DUSP15: variants seen among roughly 807,000 people sequenced by gnomAD.
DUSP15 encodes dual specificity protein phosphatase 15.
Under a neutral mutation model 26.3 loss-of-function variants are expected in DUSP15, and 23 were observed. That is an observed-to-expected ratio of 0.87 (90% CI 0.63 to 1.24). DUSP15 has a LOEUF of 1.24. Ranked by LOEUF, DUSP15 falls within the 50% of genes most tolerant of loss-of-function variation. The probability of loss-of-function intolerance (pLI) is 0.00; values close to 1 mark genes in which losing one functional copy is unlikely to be tolerated. For missense variants in DUSP15, 364 were observed against 320.6 expected, an observed-to-expected ratio of 1.14 and a Z score of -1.03; for synonymous variants, 143 against 135.5, an observed-to-expected ratio of 1.06 and a Z score of -0.39.
chr20:31,869,884 G>A, intron 1 of DUSP15: 1 of 1,391,532 alleles, frequency 7.2e-7, no homozygotes, highest in Non-Finnish European at 9.3e-7. Context: ...GAGAGGAGAG[G>A]AGAGAGGTAG....
chr20:31,859,160 C>T (rs1341708254), downstream of DUSP15, among the ~76,000 whole-genome samples: 1 of 152,154 alleles, frequency 6.6e-6, no homozygotes, highest in Non-Finnish European at 1.5e-5. Flanking sequence ...CAAAATGTGT[C>T]TCTCTGCTCC....
At chr20:31,856,469 C>T (rs1204255933), downstream of DUSP15, among the ~76,000 whole-genome samples, 2 of 152,072 alleles carry the variant, frequency 1.3e-5, no homozygotes, top group East Asian at 3.9e-4. Flanking sequence ...GCAGGAAGCC[C>T]AGGGAGGTCA....
intron 6 of DUSP15, among the ~76,000 whole-genome samples, chr20:31,852,733 C>G (rs557776486): frequency 1.3e-5 from 2 of 152,198 alleles, no homozygotes; most frequent in African/African-American, 4.8e-5. Context: ...ATCGCTTGAA[C>G]CTGGGTGGCG....
downstream of DUSP15, among the ~76,000 whole-genome samples, chr20:31,856,102 C>T (rs138042910): frequency 1.0e-3 from 157 of 152,276 alleles, no homozygotes; most frequent in Non-Finnish European, 1.0e-3. Context: ...AGGGAAGGCT[C>T]TCTTGAGCAA....
intron 3 of DUSP15, 104 bp downstream of exon 3, chr20:31,866,967 A>G: frequency 1.7e-6 from 2 of 1,157,236 alleles, no homozygotes; most frequent in Non-Finnish European, 2.5e-6. Flanking sequence ...ATGAGTTAAC[A>G]TGAGTCAAGA....
At chr20:31,864,106 C>G in intron 4 of DUSP15, 125 bp from the exon 5 acceptor site, 1 of 1,517,134 alleles carries the variant, frequency 6.6e-7, no homozygotes, top group Non-Finnish European at 8.9e-7. Context: ...TCAGCCAGCA[C>G]ATGCAGTGAA....
intron 2 of DUSP15, among the ~76,000 whole-genome samples, chr20:31,867,703 G>A (rs2062804471): frequency 7.6e-6 from 1 of 131,020 alleles, no homozygotes; most frequent in Non-Finnish European, 1.5e-5. Flanking sequence ...GGAGTCCAGT[G>A]GCGCGATCTC....
exon 10 of DUSP15, chr20:31,848,182 C>T (rs6060995): frequency 0.058 from 29,236 of 503,200 alleles, 1,030 homozygotes; most frequent in Middle Eastern, 0.12. Flanking sequence ...TTTCTGGGGC[C>T]TCAAGATCAA....
chr20:31,847,681 C>A (rs1354839874), exon 10 of DUSP15: 2 of 152,216 alleles, frequency 1.3e-5, no homozygotes, highest in Admixed American at 1.3e-4. Flanking sequence ...GGGTAACCAA[C>A]TTTCTGGTTG....
chr20:31,868,081 T>C (rs1314847697), intron 2 of DUSP15, among the ~76,000 whole-genome samples: 2 of 152,246 alleles, frequency 1.3e-5, no homozygotes, highest in Admixed American at 1.3e-4. Flanking sequence ...ACCCAGCATA[T>C]GCAGATCTTT....
chr20:31,870,543 G>T, upstream of DUSP15: 1 of 1,451,376 alleles, frequency 6.9e-7, no homozygotes. This position sits in a 1 kb window ranked among gnomAD's most constrained non-coding sequence, Gnocchi z 6.6. Flanking sequence ...TGGAGCCGCC[G>T]CTGCCACCGC....
rs1266536185 is a variant in DUSP15, at chr20:31,861,539, G to A, written c.572C>T (p.Ala191Val). The A allele has an allele frequency of 1.3e-6, 2 of 1,511,646 alleles. No individual in the cohort carries two copies. The highest frequency in any genetic ancestry group is 1.8e-6 in the Non-Finnish European group (2 of 1,138,086). The allele number at this position is 1,511,646 out of a possible 1,614,324, so 93.6% of individuals were successfully genotyped here. ...GCGCTGCACGGTTCCCTCGGAGGCT[G>A]CTGAGTGCGGCCCGGCGGAGGAGGC... The part of the protein sequence containing the change: ...TSASSAGPHS[A>V]ASEGTVQRLV... Residue 191 changes from alanine (A) to valine (V), a missense_variant, in exon 7 of 7, where the codon GCA (alanine) becomes GTA (valine). By Grantham distance (64) the Ala-to-Val change is moderately conservative. Coordinates refer to ENST00000339738, the MANE Select transcript of DUSP15 (RefSeq NM_080611.5).
At position 31,861,234 on chromosome 20, in the gene DUSP15, T is replaced by G; in HGVS notation, c.*169A>C. 3.7e-6 allele frequency: 5 copies of G among 1,337,530 alleles called. No individual in the cohort carries two copies. The highest frequency in any genetic ancestry group is 4.1e-5 in the Admixed American group (1 of 24,652). 82.9% of individuals were successfully genotyped at this position (1,337,530 alleles called of 1,614,324 possible). On this transcript the variant is annotated 3_prime_UTR_variant, in exon 7 of 7. Coordinates refer to ENST00000339738, the MANE Select transcript of DUSP15 (RefSeq NM_080611.5). ...CGGCCCGGACACAGAGACGCACAGGTTGGGGACGCTGACTGCAGACGCGGA... is the reference window on the plus strand; with the variant it reads ...CGGCCCGGACACAGAGACGCACAGGGTGGGGACGCTGACTGCAGACGCGGA...
chr20:31,865,245 G>A (rs546584457), intron 3 of DUSP15, among the ~76,000 whole-genome samples: 4 of 152,242 alleles, frequency 2.6e-5, no homozygotes, highest in African/African-American at 7.2e-5. Flanking sequence ...TGGGCATGAC[G>A]TCACCTATCC....
At chr20:31,855,549 G>A (rs1457388820) in intron 6 of DUSP15, among the ~76,000 whole-genome samples, 2 of 152,196 alleles carry the variant, frequency 1.3e-5, no homozygotes, top group South Asian at 2.1e-4. Context: ...AAGCCAAGGA[G>A]TCACATGTGT....
intron 7 of DUSP15, chr20:31,849,929 G>C (rs763965497): frequency 5.6e-6 from 8 of 1,422,480 alleles, no homozygotes; most frequent in Non-Finnish European, 7.3e-6. Context: ...AGCTCCCCTC[G>C]CCTTCTTACC....
intron 6 of DUSP15, 59 bp from the exon 7 acceptor site, chr20:31,861,734 G>A: frequency 1.5e-6 from 2 of 1,303,578 alleles, no homozygotes; most frequent in Non-Finnish European, 2.0e-6. Flanking sequence ...GGTCAAGGCA[G>A]CCGGCCCCGC....
Position 31,867,643 on chromosome 20 carries a change from T to TG in DUSP15, c.56-491_56-490insC, listed in dbSNP as rs1568700031. 1.1e-4 allele frequency among the ~76,000 whole-genome samples: 15 copies of TG among 132,772 alleles called. 1 individual carries two copies. Among genetic ancestry groups the TG allele is most frequent in the Admixed American group, 7.6e-4 (10 of 13,166 alleles). The allele number at this position is 132,772 out of a possible 152,430, so 87.1% of individuals were successfully genotyped here. ...TGATGCCCACAATGTTTTTTTTTTT[T>TG]TTTTTTTTTTTTTTTTTTTGAGACG... is the stretch of plus-strand genomic sequence containing the variant. On this transcript the variant is annotated intron_variant, in intron 2 of 6. Coordinates refer to ENST00000339738, the MANE Select transcript of DUSP15 (RefSeq NM_080611.5).
At chr20:31,860,550 G>C (rs540712824), downstream of DUSP15, among the ~76,000 whole-genome samples, 5 of 152,194 alleles carry the variant, frequency 3.3e-5, no homozygotes, top group Non-Finnish European at 7.3e-5. Flanking sequence ...ACTACCTACC[G>C]TCATGGGACT....
Sources: gnomAD v4.1 joint callset for allele counts (sites outside exome capture counted in the v4.1 genomes callset) on GRCh38, gnomAD v4.1.1 for gene constraint, Gnocchi (gnomAD v3.1) non-coding constraint, MANE v1.5 for transcripts, NCBI Gene and HGNC (gene_info 2026-07-23, HGNC 2026-07-21) for gene names.